The following TPCN1 variants were observed in gnomAD, a reference collection of about 807,000 sequenced individuals.
TPCN1 encodes the protein two pore channel protein 1.
In TPCN1, 52 loss-of-function variants were observed where a neutral mutation model predicts 108.8. The ratio of observed to expected loss-of-function variants is 0.48; its 90% CI spans 0.38 to 0.60. The LOEUF (loss-of-function observed/expected upper bound fraction) is 0.60. TPCN1 is among the 20% of genes least tolerant of loss of function. TPCN1 has a pLI of 0.00. For synonymous variants in TPCN1, 446 were observed against 433.7 expected, an observed-to-expected ratio of 1.03 and a Z score of -0.35; for missense variants, 806 against 1,072.8, an observed-to-expected ratio of 0.75 and a Z score of 3.47.
rs1407994244 is a variant in TPCN1 at position 113,289,329 on chromosome 12, C to T, written c.1796+482C>T. Among the ~76,000 whole-genome samples, 1 of 152,270 alleles carries T rather than the reference C, an allele frequency of 6.6e-6. No homozygotes were observed. Among genetic ancestry groups the T allele is most frequent in the East Asian group, 1.9e-4 (1 of 5,200 alleles). Reference sequence around the variant, plus strand: ...GCCGCCACAGTGAAATCACTGCACACTGCCATTCATTCATCCTCAATTCAG... The same window carrying T: ...GCCGCCACAGTGAAATCACTGCACATTGCCATTCATTCATCCTCAATTCAG... On this transcript the variant is annotated intron_variant, in intron 21 of 27. Coordinates refer to ENST00000335509, the MANE Select transcript of TPCN1 (RefSeq NM_017901.6). This position sits in a 1 kb window ranked among gnomAD's most constrained non-coding sequence, Gnocchi z 4.1.
At chr12:113,281,209 T>C (rs1329400352) in intron 15 of TPCN1, among the ~76,000 whole-genome samples, 1 of 152,080 alleles carries the variant, frequency 6.6e-6, no homozygotes. Context: ...CCCAGCTGTT[T>C]TTGTATTTTT....
At chr12:113,282,762 GA>G (rs529205360) in intron 15 of TPCN1, among the ~76,000 whole-genome samples, 3 of 146,514 alleles carry the variant, frequency 2.0e-5, no homozygotes, top group Admixed American at 6.9e-5. Flanking sequence ...CCTATCTCAA[GA>G]AAAAAAAACC....
intron 15 of TPCN1, among the ~76,000 whole-genome samples, chr12:113,280,619 CAT>C (rs916847187): frequency 9.2e-5 from 14 of 152,200 alleles, no homozygotes; most frequent in African/African-American, 3.4e-4. Flanking sequence ...CCACTGGCCA[CAT>C]GTGGCAATTT....
Position 113,296,031 on chromosome 12 carries a change from C to T in TPCN1, c.2406C>T (p.Ala802=), listed in dbSNP as rs373149139. ...RQLSSSAAPA[A]QQPPGSRQRS... ...TCAGCAGCAGTGCAGCCCCCGCCGCCCAGCAGCCCCCAGGCAGCCGCCAGC... is the reference window on the plus strand; with the variant it reads ...TCAGCAGCAGTGCAGCCCCCGCCGCTCAGCAGCCCCCAGGCAGCCGCCAGC... The change falls in exon 28 of 28, where the codon GCC becomes GCT. Residue 802 remains alanine, a synonymous_variant. Transcript: ENST00000335509. 3.6e-5 allele frequency: 58 copies of T among 1,613,092 alleles called. No individual in the cohort carries two copies. In the African/African-American group the frequency reaches 6.9e-4, roughly 19 times the overall value.
At position 113,288,233 on chromosome 12, in the gene TPCN1, A is replaced by C. The variant is rs746374529; in HGVS notation, c.1705A>C (p.Ser569Arg). The C allele has an allele frequency of 1.9e-5, 30 of 1,613,620 alleles. No homozygotes were observed. Among genetic ancestry groups the C allele is most frequent in the Non-Finnish European group, 2.4e-5 (28 of 1,179,944 alleles). The change falls in exon 20 of 28, where the codon AGC becomes CGC. Residue 569 changes from serine to arginine, a missense_variant and splice_region_variant. Physicochemically the swap from Ser to Arg is moderately radical, Grantham distance 110. Coordinates refer to ENST00000335509, the MANE Select transcript of TPCN1 (RefSeq NM_017901.6). This position sits in a 1 kb window ranked among gnomAD's most constrained non-coding sequence, Gnocchi z 4.8. ...GTTCGAGCTGCTGCCCCGGATGGCC[A>C]GGTACTGCCAGCCCCCACCCTGGCC... Reference protein sequence around the residue: ...TMFELLPRMASLGLTLLIFYY... With the variant: ...TMFELLPRMARLGLTLLIFYY...
chr12:113,293,001 C>T lies in TPCN1; in HGVS notation c.2181C>T (p.Tyr727=), dbSNP rs760122675. The T allele has an allele frequency of 9.9e-6, 16 of 1,613,372 alleles. No individual in the cohort carries two copies. The highest frequency in any genetic ancestry group is 1.7e-5 in the Admixed American group (1 of 60,020). The change falls in exon 26 of 28, where the codon TAC becomes TAT. Residue 727 remains tyrosine (Y), a synonymous_variant. Coordinates refer to ENST00000335509, the MANE Select transcript of TPCN1 (RefSeq NM_017901.6). ...AGCTGGTTGCCGTCCTGGAGCTCTA[C>T]CGGGAGGCACGGGGGGCCTCCTCGG... ...KEELVAVLEL[Y]REARGASSDV...
Position 113,290,153 on chromosome 12 carries a change from C to G in TPCN1, c.1822C>G (p.Arg608Gly). ...CNTSTVADAY[R>G]WRNHTVGNRT... ...CACGAGTACAGTGGCAGATGCCTACCGCTGGCGCAACCACACCGTGGGCAA... is the reference window on the plus strand; with the variant it reads ...CACGAGTACAGTGGCAGATGCCTACGGCTGGCGCAACCACACCGTGGGCAA... Residue 608 changes from arginine to glycine, a missense_variant, in exon 22 of 28, where the codon CGC becomes GGC. Coordinates refer to ENST00000335509, the MANE Select transcript of TPCN1 (RefSeq NM_017901.6). 6.2e-7 allele frequency: 1 copy of G among 1,601,578 alleles called. No homozygotes were observed. The highest frequency in any genetic ancestry group is 8.5e-7 in the Non-Finnish European group (1 of 1,173,812).
At position 113,285,908 on chromosome 12, in the gene TPCN1, C is replaced by G. The variant is rs61739924; in HGVS notation, c.1473C>G (p.Phe491Leu). 1.5e-5 allele frequency: 25 copies of G among 1,614,058 alleles called. No individual in the cohort carries two copies. The South Asian group carries it at 2.6e-4, about 17-fold the overall frequency. ...VFLTIYGVEL[F>L]LKVAGLGPVE... ...CCACAGTCTATGGGGTGGAGCTGTT[C>G]CTGAAGGTTGCCGGCCTGGGCCCTG... The change falls in exon 18 of 28, where the codon TTC (phenylalanine) becomes TTG (leucine). Residue 491 changes from phenylalanine (F) to leucine (L), a missense_variant. Phe to Leu is a conservative substitution (Grantham distance 22, BLOSUM62 0). Coordinates refer to ENST00000335509, the MANE Select transcript of TPCN1 (RefSeq NM_017901.6).
intron 1 of TPCN1, among the ~76,000 whole-genome samples, 187 bp downstream of exon 1, chr12:113,221,813 C>T (rs919699590): frequency 1.3e-5 from 2 of 152,136 alleles, no homozygotes; most frequent in Non-Finnish European, 2.9e-5. Flanking sequence ...GGCTTTGCAC[C>T]CTCTCTCCTC....
At chr12:113,224,430 T>C (rs769920277) in intron 1 of TPCN1, among the ~76,000 whole-genome samples, 1 of 152,234 alleles carries the variant, frequency 6.6e-6, no homozygotes, top group Non-Finnish European at 1.5e-5. Flanking sequence ...CGAGTCTCGC[T>C]CTGTCGCCCA....
At position 113,272,787 on chromosome 12, in the gene TPCN1, G is replaced by C. The variant is rs1369682475; in HGVS notation, c.783+95G>C. 5.5e-6 allele frequency: 7 copies of C among 1,264,044 alleles called. No homozygotes were observed. The highest frequency in any genetic ancestry group is 2.4e-5 in the South Asian group (2 of 83,592). The allele number at this position is 1,264,044 out of a possible 1,614,324, so 78.3% of individuals were successfully genotyped here. On this transcript the variant is annotated intron_variant, in intron 8 of 27. Coordinates refer to ENST00000335509, the MANE Select transcript of TPCN1 (RefSeq NM_017901.6). This position sits in a 1 kb window ranked among gnomAD's most constrained non-coding sequence, Gnocchi z 4.1. ...GTGACCCTGTGGCCATATGGGGAAG[G>C]GGGGGCCTGCCTGGTTTCTCATCAT...
At chr12:113,245,317 G>GGCCCCTCAGTATCACCCTTC (rs761738221) in intron 2 of TPCN1, among the ~76,000 whole-genome samples, 2 of 122,840 alleles carry the variant, frequency 1.6e-5, no homozygotes, top group Admixed American at 7.8e-5. Flanking sequence ...AGAAAAGGGG[G>GGCCCCTCAGTATCACCCTTC]CTGGGCGCGG....
In TPCN1 at chr12:113,266,259, ACCT is replaced by A; in HGVS notation, c.319_321del (p.Leu107del). ...GCGGCCTACCTCTTTGCACACAATC[ACCT>A]CTTCTACCTGATGGAGCTGGCCACG... On this transcript the variant is annotated inframe_deletion, in exon 4 of 28. Coordinates refer to ENST00000335509, the MANE Select transcript of TPCN1 (RefSeq NM_017901.6). This position sits in a 1 kb window ranked among gnomAD's most constrained non-coding sequence, Gnocchi z 4.2. 6.2e-7 allele frequency: 1 copy of A among 1,613,404 alleles called. No individual in the cohort carries two copies. Among genetic ancestry groups the A allele is most frequent in the Non-Finnish European group, 8.5e-7 (1 of 1,179,902 alleles).
rs1466287671 is a variant in TPCN1 at position 113,266,487 on chromosome 12, G to A, written c.414+131G>A. On this transcript the variant is annotated intron_variant, in intron 4 of 27. Coordinates refer to ENST00000335509, the MANE Select transcript of TPCN1 (RefSeq NM_017901.6). This position sits in a 1 kb window ranked among gnomAD's most constrained non-coding sequence, Gnocchi z 4.2. Reference sequence around the variant, plus strand: ...ACTTAAAACAGAGAGATACGAGGTGGTCATAGAGGCCTTGGGAGCGGAAAT... The same window carrying A: ...ACTTAAAACAGAGAGATACGAGGTGATCATAGAGGCCTTGGGAGCGGAAAT... The A allele has an allele frequency of 6.4e-6, 8 of 1,246,794 alleles. No individual in the cohort carries two copies. In the South Asian group the frequency reaches 9.8e-5, roughly 15 times the overall value. The allele number at this position is 1,246,794 out of a possible 1,614,324, so 77.2% of individuals were successfully genotyped here.
intron 2 of TPCN1, among the ~76,000 whole-genome samples, chr12:113,229,347 G>A (rs912500831): frequency 6.6e-6 from 1 of 152,268 alleles, no homozygotes; most frequent in African/African-American, 2.4e-5. Context: ...CTGGGAAGAA[G>A]GGTAGGACCT....
intron 10 of TPCN1, among the ~76,000 whole-genome samples, chr12:113,275,492 A>G (rs1955641611): frequency 6.6e-6 from 1 of 151,742 alleles, no homozygotes. Flanking sequence ...GATCCGTCCG[A>G]CTCAGCCTCC....
intron 27 of TPCN1, 114 bp downstream of exon 27, chr12:113,293,463 G>A: frequency 9.7e-7 from 1 of 1,031,690 alleles, no homozygotes; most frequent in Non-Finnish European, 1.5e-6. Context: ...GAGAGATGCA[G>A]ACCGTCCATC....
chr12:113,262,119 C>T (rs555809186), intron 3 of TPCN1, among the ~76,000 whole-genome samples: 2 of 152,292 alleles, frequency 1.3e-5, no homozygotes, highest in South Asian at 4.1e-4. Flanking sequence ...TTCTTAAATG[C>T]ATTCGAATCA....
rs529977750 is a variant in TPCN1, at chr12:113,231,950, G to A, written c.112+4986G>A. ...CCCACCACATTCAGGGAATCAGGAC[G>A]AGTCTGAATGTAGTGGGCAGTCCAA... On this transcript the variant is annotated intron_variant, in intron 2 of 27. Coordinates refer to ENST00000335509, the MANE Select transcript of TPCN1 (RefSeq NM_017901.6). The surrounding 1 kb of genome is among the most constrained non-coding windows in gnomAD (Gnocchi z 4.3). 4.6e-5 allele frequency among the ~76,000 whole-genome samples: 7 copies of A among 152,228 alleles called. No individual in the cohort carries two copies. Among genetic ancestry groups the A allele is most frequent in the Non-Finnish European group, 8.8e-5 (6 of 68,046 alleles).
Sources: allele counts gnomAD v4.1 joint callset (sites outside exome capture counted in the v4.1 genomes callset), GRCh38; gene constraint gnomAD v4.1.1; non-coding constraint Gnocchi (gnomAD v3.1); transcripts MANE v1.5; gene names NCBI Gene and HGNC (gene_info 2026-07-23, HGNC 2026-07-21).